The following JAK2 variants were observed in gnomAD, a reference collection of about 807,000 sequenced individuals.
JAK2 encodes Janus kinase 2.
In JAK2, 86 loss-of-function variants were observed where a neutral mutation model predicts 139.3. The ratio of observed to expected loss-of-function variants is 0.62; its 90% CI spans 0.52 to 0.74. The LOEUF is 0.74. JAK2 is among the 30% of genes least tolerant of loss of function. The pLI is 0.00. For synonymous variants in JAK2, 490 were observed against 437.7 expected (o/e 1.12, Z -1.49); for missense variants, 1,421 against 1,360.3 (o/e 1.04, Z -0.70).
intron 12 of JAK2, among the ~76,000 whole-genome samples, chr9:5,071,494 T>C (rs550774415): frequency 1.3e-5 from 2 of 152,216 alleles, no homozygotes; most frequent in South Asian, 2.1e-4. Flanking sequence ...GAAAAAGGCA[T>C]AGAAATGATA....
intron 4 of JAK2, among the ~76,000 whole-genome samples, chr9:5,032,364 C>T (rs1823225034): frequency 6.6e-6 from 1 of 152,218 alleles, no homozygotes; most frequent in Admixed American, 6.5e-5. Context: ...CCTTTGCAGA[C>T]TTAAATGTCC....
rs1564029998 is a variant in JAK2, at chr9:5,126,784, C to T, written c.3392C>T (p.Ala1131Val). The T allele has an allele frequency of 6.3e-7, 1 of 1,597,422 alleles. No individual in the cohort carries two copies. The highest frequency in any genetic ancestry group is 8.6e-7 in the Non-Finnish European group (1 of 1,168,218). Residue 1131 changes from alanine to valine, a missense_variant, in exon 25 of 25, where the codon GCT (alanine) becomes GTT (valine). Physicochemically the swap from Ala to Val is moderately conservative, Grantham distance 64. Coordinates refer to ENST00000381652, the MANE Select transcript of JAK2 (RefSeq NM_004972.4). ...LRVDQIRDNMAG is the reference protein window; with the variant it reads ...LRVDQIRDNMVG ...GTGGATCAAATAAGGGATAACATGGCTGGATGAAAGAAATGACCTTCATTC... is the reference window on the plus strand; with the variant it reads ...GTGGATCAAATAAGGGATAACATGGTTGGATGAAAGAAATGACCTTCATTC...
Position 5,081,828 on chromosome 9 carries a change from G to C in JAK2, c.2538G>C (p.Glu846Asp), listed in dbSNP as rs150221602. 8.6e-4 allele frequency: 1,380 copies of C among 1,613,596 alleles called. No individual in the cohort carries two copies. Among genetic ancestry groups the C allele is most frequent in the Non-Finnish European group, 1.0e-3 (1,225 of 1,179,668 alleles). Residue 846 changes from glutamate (E) to aspartate (D), a missense_variant, in exon 19 of 25, where the codon GAG (glutamate) becomes GAC (aspartate). Coordinates refer to ENST00000381652, the MANE Select transcript of JAK2 (RefSeq NM_004972.4). ...ACCGGGATCCTACACAGTTTGAAGA[G>C]AGACATTTGAAATTTCTACAGCAAC... ...FEDRDPTQFE[E>D]RHLKFLQQLG...
intron 4 of JAK2, among the ~76,000 whole-genome samples, chr9:5,038,177 C>T (rs898642482): frequency 2.6e-5 from 4 of 151,792 alleles, no homozygotes; most frequent in Admixed American, 2.0e-4. Context: ...TTTTTAATGC[C>T]AACAAATTAG....
rs537486969 is a variant in JAK2, at chr9:5,096,096, G to T, written c.3059+5185G>T. ...CTATCATAACACTACTCAACCTGTA[G>T]TTTTATATATGCCTAATTTACTCCA... On this transcript the variant is annotated intron_variant, in intron 22 of 24. Transcript: ENST00000381652. 1.5e-4 allele frequency among the ~76,000 whole-genome samples: 23 copies of T among 152,206 alleles called. No homozygotes were observed. In the South Asian group the frequency reaches 2.1e-3, roughly 14 times the overall value.
intron 2 of JAK2, among the ~76,000 whole-genome samples, chr9:5,015,783 C>G (rs1335860952): frequency 6.6e-6 from 1 of 152,070 alleles, no homozygotes; most frequent in Non-Finnish European, 1.5e-5. Flanking sequence ...ATTCGGGAAA[C>G]ATTTACTGAG....
At position 5,051,181 on chromosome 9, in the gene JAK2, A is replaced by G. The variant is rs1157833134; in HGVS notation, c.614+350A>G. On this transcript the variant is annotated intron_variant, in intron 6 of 24. Coordinates refer to ENST00000381652, the MANE Select transcript of JAK2 (RefSeq NM_004972.4). ...ATAAAAAATCATATGGGTAAGTTTT[A>G]TATCTTGGGAGTAAAACACACTTTG... Among the ~76,000 whole-genome samples, 3 of 152,186 alleles carry G rather than the reference A, an allele frequency of 2.0e-5. No individual in the cohort carries two copies. In the South Asian group the frequency reaches 6.2e-4, roughly 32 times the overall value.
chr9:4,992,427 G>A (rs548033013), intron 2 of JAK2, among the ~76,000 whole-genome samples: 25 of 152,306 alleles, frequency 1.6e-4, no homozygotes, highest in African/African-American at 6.0e-4. Context: ...GGAGTGGCAA[G>A]TTCACACTGC....
At chr9:5,109,894 G>C (rs1457092300) in intron 22 of JAK2, 1 of 152,156 alleles carries the variant, frequency 6.6e-6, no homozygotes, top group Non-Finnish European at 1.5e-5. Flanking sequence ...TTTATCGGAT[G>C]AGAAGGTATA....
intron 17 of JAK2, 34 bp from the exon 18 acceptor site, chr9:5,080,499 A>G: frequency 1.3e-6 from 2 of 1,561,554 alleles, no homozygotes; most frequent in East Asian, 4.5e-5. Flanking sequence ...GGCATTACAC[A>G]ATTTATTCTC....
chr9:5,080,810 T>C (rs541410911), intron 18 of JAK2, 127 bp downstream of exon 18: 59 of 586,366 alleles, frequency 1.0e-4, no homozygotes, highest in Admixed American at 3.4e-4. Flanking sequence ...TAATTTCTTA[T>C]GTTCATATGG....
chr9:5,112,243 C>T (rs1193378457), intron 22 of JAK2: 1 of 259,048 alleles, frequency 3.9e-6, no homozygotes, highest in South Asian at 3.8e-5. Flanking sequence ...TGGTTGGAGG[C>T]GAACACCCTG....
At chr9:5,035,916 G>A (rs1440980269) in intron 4 of JAK2, among the ~76,000 whole-genome samples, 2 of 152,104 alleles carry the variant, frequency 1.3e-5, no homozygotes, top group East Asian at 1.9e-4. Context: ...AAGGTTATTT[G>A]ATTAGGAAAA....
intron 8 of JAK2, among the ~76,000 whole-genome samples, chr9:5,056,834 TTGGC>T (rs1222494393): frequency 6.6e-6 from 1 of 152,194 alleles, no homozygotes; most frequent in Non-Finnish European, 1.5e-5. Context: ...GTATTTGGAC[TTGGC>T]TTAATTTTAA....
intron 19 of JAK2, among the ~76,000 whole-genome samples, chr9:5,089,352 C>G (rs1820382686): frequency 6.6e-5 from 10 of 152,008 alleles, no homozygotes; most frequent in Admixed American, 6.5e-4. Context: ...TCCTGGCTAA[C>G]ACAGCGAAAC....
At chr9:4,998,550 C>T (rs987055053) in intron 2 of JAK2, among the ~76,000 whole-genome samples, 30 of 152,016 alleles carry the variant, frequency 2.0e-4, no homozygotes, top group African/African-American at 5.6e-4. Flanking sequence ...CCACCATGCC[C>T]GGCCAAAAAC....
chr9:5,105,402 A>G (rs1381876665), intron 22 of JAK2, among the ~76,000 whole-genome samples: 2 of 152,222 alleles, frequency 1.3e-5, no homozygotes, highest in Non-Finnish European at 2.9e-5. Context: ...CCACTGCTCA[A>G]TGAAATACAA....
chr9:5,121,986 T>A (rs566157434), intron 22 of JAK2, among the ~76,000 whole-genome samples: 40 of 152,262 alleles, frequency 2.6e-4, no homozygotes, highest in African/African-American at 9.4e-4. Context: ...TAACTAGATA[T>A]GTAAAATTTG....
At chr9:5,042,091 G>T (rs1056672948) in intron 4 of JAK2, among the ~76,000 whole-genome samples, 2 of 151,612 alleles carry the variant, frequency 1.3e-5, no homozygotes, top group Non-Finnish European at 2.9e-5. Flanking sequence ...GGGACGAGGG[G>T]TCACTTCCTT....
Sources: allele counts gnomAD v4.1 joint callset (sites outside exome capture counted in the v4.1 genomes callset), GRCh38; gene constraint gnomAD v4.1.1; transcripts MANE v1.5; gene names NCBI Gene and HGNC (gene_info 2026-07-23, HGNC 2026-07-21).